SMIM35: variants seen among roughly 807,000 people sequenced by gnomAD.
SMIM35 encodes TMPRSS4 antisense RNA 1 (non-protein coding).
chr11:118,053,347 CACACACAA>C (rs1944252375), intron 1 of SMIM35, among the ~76,000 whole-genome samples: 1 of 123,220 alleles, frequency 8.1e-6, no homozygotes, highest in Non-Finnish European at 1.8e-5. Context: ...CACACACACA[CACACACAA>C]AGCTTACTAG....
chr11:118,045,152 T>C (rs932606744), intron 1 of SMIM35, among the ~76,000 whole-genome samples: 2 of 152,180 alleles, frequency 1.3e-5, no homozygotes, highest in Non-Finnish European at 2.9e-5. Flanking sequence ...CTCCATTGGC[T>C]TCTAGGCCCC....
chr11:118,010,395 A>T (rs756679374), intron 4 of SMIM35, among the ~76,000 whole-genome samples: 4 of 152,106 alleles, frequency 2.6e-5, no homozygotes, highest in Non-Finnish European at 5.9e-5. Flanking sequence ...TCCCAGCCTC[A>T]TCATGATTTT....
At chr11:118,006,546 C>T (rs1353866421) in intron 4 of SMIM35, among the ~76,000 whole-genome samples, 170 bp from the exon 5 acceptor site, 1 of 152,180 alleles carries the variant, frequency 6.6e-6, no homozygotes, top group Non-Finnish European at 1.5e-5. Flanking sequence ...TAACACATCG[C>T]AATGGGTGCT....
At chr11:118,069,181 G>C (rs185919345) in intron 1 of SMIM35, among the ~76,000 whole-genome samples, 7 of 152,252 alleles carry the variant, frequency 4.6e-5, no homozygotes, top group South Asian at 4.1e-4. Flanking sequence ...GTGAGGTATC[G>C]GGCCACCCCC....
At chr11:118,037,615 G>A (rs1252285712) in intron 1 of SMIM35, among the ~76,000 whole-genome samples, 5 of 152,210 alleles carry the variant, frequency 3.3e-5, no homozygotes, top group Admixed American at 3.3e-4. Flanking sequence ...CGGTTAGCAA[G>A]TTTAAAGCTC....
At chr11:118,020,277 T>A (rs1176973890) in intron 1 of SMIM35, among the ~76,000 whole-genome samples, 2 of 152,132 alleles carry the variant, frequency 1.3e-5, no homozygotes, top group Admixed American at 6.6e-5. Context: ...ACTAACTGAC[T>A]AAATAAATAA....
intron 1 of SMIM35, among the ~76,000 whole-genome samples, chr11:118,033,946 T>C (rs1159246453): frequency 6.6e-6 from 1 of 152,160 alleles, no homozygotes; most frequent in East Asian, 1.9e-4. Flanking sequence ...ATAATAAAAG[T>C]ACCCTAACGC....
rs555733308 is a variant in SMIM35, at chr11:118,057,415, T to C, written c.7+29336A>G. Among the ~76,000 whole-genome samples, 4 of 151,974 alleles carry C rather than the reference T, an allele frequency of 2.6e-5. No individual in the cohort carries two copies. The East Asian group carries it at 7.7e-4, about 29-fold the overall frequency. On this transcript the variant is annotated intron_variant, in intron 1 of 4. Transcript: ENST00000689828. Reference sequence around the variant, plus strand: ...GGGAGGGGAGTCCTGATGGGGACCTTGAAGAGGACTCTGAAACATGAACAG... The same window carrying C: ...GGGAGGGGAGTCCTGATGGGGACCTCGAAGAGGACTCTGAAACATGAACAG...
intron 1 of SMIM35, among the ~76,000 whole-genome samples, chr11:118,019,979 C>T (rs1172583350): frequency 1.3e-5 from 2 of 152,104 alleles, no homozygotes; most frequent in Non-Finnish European, 2.9e-5. Context: ...CATAATAAAT[C>T]TCGGCTGGGC....
intron 1 of SMIM35, among the ~76,000 whole-genome samples, chr11:118,021,827 G>A (rs958387692): frequency 2.6e-5 from 4 of 152,112 alleles, no homozygotes; most frequent in African/African-American, 9.7e-5. Context: ...ATTATTATTA[G>A]AGAATTCAAC....
chr11:118,038,852 C>G (rs1003019514), intron 1 of SMIM35, among the ~76,000 whole-genome samples: 9 of 151,716 alleles, frequency 5.9e-5, no homozygotes, highest in African/African-American at 2.2e-4. Context: ...GCAAAGGGCT[C>G]AAAACAGGGT....
At chr11:118,079,371 C>T (rs1944953182) in intron 1 of SMIM35, among the ~76,000 whole-genome samples, 1 of 152,078 alleles carries the variant, frequency 6.6e-6, no homozygotes. Context: ...GTCCTTTGAG[C>T]TGCTGCGTCT....
chr11:118,077,269 G>T, intron 1 of SMIM35: 1 of 1,597,018 alleles, frequency 6.3e-7, no homozygotes, highest in Non-Finnish European at 8.5e-7. Flanking sequence ...TCAGCTCCAG[G>T]CTACAGGGAG....
chr11:118,010,069 T>A (rs1042798325), intron 4 of SMIM35, among the ~76,000 whole-genome samples: 1 of 152,150 alleles, frequency 6.6e-6, no homozygotes, highest in African/African-American at 2.4e-5. Context: ...CCAAGAATAA[T>A]CCCTGTGTCT....
intron 1 of SMIM35, among the ~76,000 whole-genome samples, chr11:118,017,585 G>A (rs778101629): frequency 1.1e-4 from 17 of 152,004 alleles, no homozygotes; most frequent in Non-Finnish European, 2.2e-4. Context: ...TGAAGGGAGA[G>A]AGCAGTTTTA....
chr11:118,083,051 C>T (rs1416126245), intron 1 of SMIM35, among the ~76,000 whole-genome samples: 1 of 152,202 alleles, frequency 6.6e-6, no homozygotes, highest in African/African-American at 2.4e-5. Flanking sequence ...CTGCCTCCCT[C>T]TCCTCTGCTG....
At chr11:118,061,059 T>C (rs1015689135) in intron 1 of SMIM35, among the ~76,000 whole-genome samples, 4 of 152,136 alleles carry the variant, frequency 2.6e-5, no homozygotes, top group African/African-American at 9.7e-5. Context: ...TTCTGCTGAG[T>C]CACCCATTCT....
rs2058336388 is a variant in SMIM35, at chr11:118,033,621, GCAGATTTTGGGTTT to G, written c.8-17826_8-17813del. Among the ~76,000 whole-genome samples the G allele has an allele frequency of 3.3e-5, 5 of 152,280 alleles. No individual in the cohort carries two copies. The South Asian group carries it at 1.0e-3, about 32-fold the overall frequency. On this transcript the variant is annotated intron_variant, in intron 1 of 4. Transcript: ENST00000689828. ...CTTACTCAAACATGGAAGGGTGAAC[GCAGATTTTGGGTTT>G]CAGTGATCTCCTGATACCGAAAGAA...
rs1384669689 is a variant in SMIM35 at position 118,013,743 on chromosome 11, C to A, written c.*33+5G>T. On this transcript the variant is annotated splice_donor_5th_base_variant and intron_variant, in intron 4 of 4. Transcript: ENST00000689828. ...CACTCGGCAGCTCTCCCAACTCCAA[C>A]TCACCTCCCCAGGGCTTCACAAGTT... 7.5e-6 allele frequency: 3 copies of A among 399,044 alleles called. No homozygotes were observed. The highest frequency in any genetic ancestry group is 8.8e-6 in the Non-Finnish European group (2 of 226,192). The allele number at this position is 399,044 out of a possible 1,614,324, so 24.7% of individuals were successfully genotyped here.
Sources: gnomAD v4.1 joint callset for allele counts (sites outside exome capture counted in the v4.1 genomes callset) on GRCh38, gnomAD v4.1.1 for gene constraint, MANE v1.5 for transcripts, NCBI Gene and HGNC (gene_info 2026-07-23, HGNC 2026-07-21) for gene names.